Variants in CNBP observed in about 807,000 individuals in gnomAD.
CNBP encodes the protein cellular nucleic acid-binding protein.
CNBP carries 6 observed loss-of-function variants against 21.2 expected under a neutral mutation model. That is an observed-to-expected ratio of 0.28 (90% confidence interval 0.16 to 0.56). The LOEUF (loss-of-function observed/expected upper bound fraction) is 0.56, where lower values mean the gene tolerates loss of function less well. Ranked by LOEUF, CNBP falls within the 20% of genes least tolerant of loss-of-function variation. The probability of loss-of-function intolerance (pLI) is 0.93; values close to 1 mark genes in which losing one functional copy is unlikely to be tolerated. For synonymous variants in CNBP, 61 were observed against 74.9 expected (o/e 0.81, Z 0.96); for missense variants, 112 against 233.1 (o/e 0.48, Z 3.38).
intron 1 of CNBP, among the ~76,000 whole-genome samples, chr3:129,181,538 C>G (rs1218343083): frequency 1.3e-5 from 2 of 150,312 alleles, no homozygotes; most frequent in Non-Finnish European, 3.0e-5. Context: ...GTAATCCCAG[C>G]TACTTCGGAG....
intron 1 of CNBP, among the ~76,000 whole-genome samples, chr3:129,177,050 C>G (rs1208747056): frequency 6.6e-6 from 1 of 152,216 alleles, no homozygotes; most frequent in Non-Finnish European, 1.5e-5. Flanking sequence ...TCTAATTTGT[C>G]ATCCAGGTTC....
chr3:129,172,669 CAGACAGACAGACAGACAG>C (rs1937625491), intron 1 of CNBP, among the ~76,000 whole-genome samples: 9 of 99,694 alleles, frequency 9.0e-5, no homozygotes, highest in South Asian at 3.5e-4. Context: ...GACAGACAGA[CAGACAGACAGACAGACAG>C]ACAGACAGAC....
chr3:129,171,321 TTACA>T, intron 3 of CNBP, 44 bp from the exon 4 acceptor site: 1 of 1,609,356 alleles, frequency 6.2e-7, no homozygotes. Context: ...TATAAAACCT[TTACA>T]AAGTGTTACG....
intron 1 of CNBP, among the ~76,000 whole-genome samples, chr3:129,173,376 A>G (rs1027687180): frequency 1.3e-5 from 2 of 152,206 alleles, no homozygotes; most frequent in Non-Finnish European, 2.9e-5. Flanking sequence ...CACAGATACC[A>G]AGAGATGACT....
At position 129,168,101 on chromosome 3, in the gene CNBP, C is replaced by A. The variant is rs1296811522; in HGVS notation, c.*2352G>T. 6.6e-6 allele frequency among the ~76,000 whole-genome samples: 1 copy of A among 152,128 alleles called. No individual in the cohort carries two copies. The highest frequency in any genetic ancestry group is 1.9e-4 in the East Asian group (1 of 5,200). The stretch of plus-strand genomic sequence containing the variant: ...CTCATACCCAAAGTCAAGAATCACA[C>A]AGCAGCATGGAGGGGGAAAATGAAC... On this transcript the variant is annotated 3_prime_UTR_variant, in exon 5 of 5. Transcript: ENST00000422453.
At chr3:129,177,172 G>A (rs1012723188) in intron 1 of CNBP, among the ~76,000 whole-genome samples, 4 of 152,144 alleles carry the variant, frequency 2.6e-5, no homozygotes, top group Admixed American at 6.5e-5. Flanking sequence ...CTTTTGTCAG[G>A]CAGCAGGAAA....
chr3:129,179,276 T>A (rs372463184), intron 1 of CNBP, among the ~76,000 whole-genome samples: 40 of 150,708 alleles, frequency 2.7e-4, no homozygotes, highest in African/African-American at 8.8e-4. Flanking sequence ...AAACTCCACC[T>A]CAAAGGAAAA....
intron 1 of CNBP, among the ~76,000 whole-genome samples, chr3:129,178,581 A>G (rs1576922377): frequency 2.6e-5 from 4 of 152,210 alleles, no homozygotes; most frequent in Admixed American, 2.6e-4. Context: ...ATTTGTATAT[A>G]TGCTTACTTT....
chr3:129,174,641 A>G (rs1281065287), intron 1 of CNBP, among the ~76,000 whole-genome samples: 1 of 141,184 alleles, frequency 7.1e-6, no homozygotes, highest in Non-Finnish European at 1.5e-5. Context: ...CGTGGGTTAC[A>G]AGAGTGAAAC....
chr3:129,173,626 T>A (rs1018924917), intron 1 of CNBP, among the ~76,000 whole-genome samples: 5 of 152,214 alleles, frequency 3.3e-5, no homozygotes, highest in African/African-American at 1.2e-4. Flanking sequence ...TTTGTACTTA[T>A]GTAACAATCT....
intron 1 of CNBP, among the ~76,000 whole-genome samples, chr3:129,182,246 A>C (rs977295309): frequency 2.0e-5 from 3 of 152,228 alleles, no homozygotes; most frequent in Admixed American, 6.5e-5. Flanking sequence ...ATGTAATTTA[A>C]AAGCAAGATG....
rs1431445456 is a variant in CNBP at position 129,171,496 on chromosome 3, C to T, written c.167G>A (p.Arg56His). The T allele has an allele frequency of 3.1e-6, 5 of 1,614,038 alleles. No homozygotes were observed. Among genetic ancestry groups the T allele is most frequent in the Non-Finnish European group, 4.2e-6 (5 of 1,180,020 alleles). Residue 56 changes from arginine to histidine, a missense_variant, in exon 3 of 5, where the codon CGC (arginine) becomes CAC (histidine). Arg to His is a conservative substitution (Grantham distance 29, BLOSUM62 0). Transcript: ENST00000422453. ...GGCAAGATGACCAGACTCACCACAG[C>T]GATAACAAATGTCTGGAAGAGACGA... ...VSSSLPDICYRCGESGHLAKD... is the reference protein window; with the variant it reads ...VSSSLPDICYHCGESGHLAKD...
Position 129,171,287 on chromosome 3 carries a change from T to A in CNBP, c.218-10A>T, listed in dbSNP as rs1446934164. 1 of 1,613,904 alleles carries A rather than the reference T, an allele frequency of 6.2e-7. No homozygotes were observed. Among genetic ancestry groups the A allele is most frequent in the Non-Finnish European group, 8.5e-7 (1 of 1,179,946 alleles). ...CCGCAGTTATAGCAGGCTTCAACAA[T>A]AAGGAAAAGAAACAGGCCAAGACTA... On this transcript the variant is annotated splice_polypyrimidine_tract_variant and intron_variant, in intron 3 of 4. Coordinates refer to ENST00000422453, the MANE Select transcript of CNBP (RefSeq NM_003418.5).
chr3:129,174,034 A>C (rs1576915186), intron 1 of CNBP, among the ~76,000 whole-genome samples: 1 of 152,184 alleles, frequency 6.6e-6, no homozygotes, highest in East Asian at 1.9e-4. Flanking sequence ...TACAAAAGAA[A>C]ATAACACAAT....
At position 129,170,056 on chromosome 3, in the gene CNBP, A is replaced by G. The variant is rs544104333; in HGVS notation, c.*397T>C. ...TACTGAGGTCAGACAATCCAAGACC[A>G]TCATTATACTAAAATTAAAGTTATT... On this transcript the variant is annotated 3_prime_UTR_variant, in exon 5 of 5. Transcript: ENST00000422453. The G allele has an allele frequency of 7.9e-4, 204 of 258,344 alleles. 3 individuals are homozygous for G. The East Asian group carries it at 0.011, about 14-fold the overall frequency. The allele number at this position is 258,344 out of a possible 1,614,324, so 16.0% of individuals were successfully genotyped here. A position where few individuals can be genotyped will look rare whatever the true frequency, so the allele number is the denominator to read the frequency against.
chr3:129,170,944 A>G (rs947368206), intron 4 of CNBP, 135 bp downstream of exon 4: 9 of 795,458 alleles, frequency 1.1e-5, no homozygotes, highest in Admixed American at 2.8e-5. Context: ...TGCCAGTTAC[A>G]TATGCTGAAA....
In CNBP at chr3:129,172,492, G is replaced by T. The variant is rs1353958356; in HGVS notation, c.-14-721C>A. ...AGCTACTCAGGAGGCTGAGGCAGAA[G>T]AATCGCTTGAACCCGGGGGGTGGAG... On this transcript the variant is annotated intron_variant, in intron 1 of 4. Transcript: ENST00000422453. Among the ~76,000 whole-genome samples, 6 of 152,296 alleles carry T rather than the reference G, an allele frequency of 3.9e-5. No homozygotes were observed. In the East Asian group the frequency reaches 9.7e-4, roughly 25 times the overall value.
chr3:129,182,385 AAT>A (rs1281318037), intron 1 of CNBP, among the ~76,000 whole-genome samples: 2 of 152,194 alleles, frequency 1.3e-5, no homozygotes, highest in Non-Finnish European at 2.9e-5. Flanking sequence ...ATTACTGAGC[AAT>A]GTTCTCTTTT....
intron 1 of CNBP, among the ~76,000 whole-genome samples, chr3:129,172,061 C>T (rs1328023147): frequency 6.6e-6 from 1 of 151,762 alleles, no homozygotes; most frequent in Non-Finnish European, 1.5e-5. Context: ...ATCCCAGCTA[C>T]TTGGGAGGCT....
Sources: allele counts gnomAD v4.1 joint callset (sites outside exome capture counted in the v4.1 genomes callset), GRCh38; gene constraint gnomAD v4.1.1; transcripts MANE v1.5; gene names NCBI Gene and HGNC (gene_info 2026-07-23, HGNC 2026-07-21).